The following MYLK variants were observed in gnomAD, a reference collection of about 807,000 sequenced individuals.
The protein encoded by MYLK is myosin light chain kinase, also known as myosin light chain kinase, smooth muscle.
A neutral mutation model predicts 203.4 loss-of-function variants in MYLK; 106 were observed. That is an observed-to-expected ratio of 0.52 (90% CI 0.45 to 0.61). The LOEUF is 0.61. Ranked by LOEUF, MYLK falls within the 20% of genes least tolerant of loss-of-function variation. MYLK has a pLI of 0.00. For synonymous variants in MYLK, 867 were observed against 959.5 expected (o/e 0.90, Z 1.78); for missense variants, 2,072 against 2,442.3 (o/e 0.85, Z 3.20).
chr3:123,720,300 G>T (rs1440165193), intron 13 of MYLK, among the ~76,000 whole-genome samples: 3 of 152,172 alleles, frequency 2.0e-5, no homozygotes, highest in Admixed American at 6.5e-5. Context: ...CTTTGCCTGG[G>T]ACTCCCACCT....
chr3:123,791,493 G>A (rs1270728295), intron 4 of MYLK, among the ~76,000 whole-genome samples: 1 of 152,186 alleles, frequency 6.6e-6, no homozygotes, highest in Admixed American at 6.5e-5. Context: ...AGCTTCCAGG[G>A]CATTTTCTTC....
intron 3 of MYLK, among the ~76,000 whole-genome samples, chr3:123,803,183 T>C (rs1301890687): frequency 6.6e-6 from 1 of 152,196 alleles, no homozygotes; most frequent in Non-Finnish European, 1.5e-5. Flanking sequence ...ATGCGGCTAC[T>C]GCTAATAGCC....
At chr3:123,683,428 C>A (rs569591315) in intron 19 of MYLK, among the ~76,000 whole-genome samples, 1 of 152,076 alleles carries the variant, frequency 6.6e-6, no homozygotes, top group Non-Finnish European at 1.5e-5. Context: ...GCTCCTGGGG[C>A]TCTGAGGGGT....
intron 16 of MYLK, 130 bp from the exon 17 acceptor site, chr3:123,701,639 C>A: frequency 1.2e-6 from 1 of 847,296 alleles, no homozygotes; most frequent in East Asian, 2.6e-5. Context: ...AGACATTCAC[C>A]CCAGCCTTAG....
chr3:123,702,271 T>C (rs2061269642), intron 16 of MYLK, among the ~76,000 whole-genome samples: 1 of 152,146 alleles, frequency 6.6e-6, no homozygotes, highest in South Asian at 2.1e-4. Flanking sequence ...CTGGCATTTC[T>C]GAGCTCTGAC....
chr3:123,807,302 G>A (rs189024046), intron 3 of MYLK, among the ~76,000 whole-genome samples: 109 of 152,060 alleles, frequency 7.2e-4, no homozygotes, highest in African/African-American at 2.0e-3. Flanking sequence ...GGTGGCAGGC[G>A]CCTGTAATCC....
intron 4 of MYLK, among the ~76,000 whole-genome samples, chr3:123,756,218 A>G (rs2063354063): frequency 6.6e-6 from 1 of 152,178 alleles, no homozygotes; most frequent in African/African-American, 2.4e-5. Context: ...AAAAGTATTC[A>G]TAAGCGTCTA....
chr3:123,831,315 C>T, intron 3 of MYLK: 2 of 1,218,258 alleles, frequency 1.6e-6, no homozygotes, highest in East Asian at 5.8e-5. Flanking sequence ...ATGATTTCCA[C>T]CACCTTCGCC....
intron 32 of MYLK, among the ~76,000 whole-genome samples, chr3:123,619,008 A>G (rs1306671736): frequency 6.6e-6 from 1 of 152,202 alleles, no homozygotes; most frequent in Non-Finnish European, 1.5e-5. Context: ...CCTTCCCCTT[A>G]TGCTGACATG....
chr3:123,663,473 C>G (rs2059632437), intron 23 of MYLK, among the ~76,000 whole-genome samples: 1 of 152,078 alleles, frequency 6.6e-6, no homozygotes, highest in Non-Finnish European at 1.5e-5. Context: ...AGACTCACCC[C>G]TGTCAGAGAG....
intron 3 of MYLK, among the ~76,000 whole-genome samples, chr3:123,825,852 T>C (rs2066098872): frequency 6.6e-6 from 1 of 152,202 alleles, no homozygotes; most frequent in Non-Finnish European, 1.5e-5. Context: ...ATCTGCCAGT[T>C]CTGCCTGGGG....
chr3:123,743,567 A>C (rs1456089783), intron 5 of MYLK, among the ~76,000 whole-genome samples: 1 of 152,202 alleles, frequency 6.6e-6, no homozygotes, highest in East Asian at 1.9e-4. Context: ...AAGGGGATTA[A>C]AGTAGAAATG....
rs1230895034 is a variant in MYLK, at chr3:123,631,352, C to T, written c.4962-1726G>A. Among the ~76,000 whole-genome samples the T allele has an allele frequency of 4.0e-5, 6 of 149,192 alleles. No individual in the cohort carries two copies. In the East Asian group the frequency reaches 8.0e-4, roughly 20 times the overall value. Reference sequence around the variant, plus strand: ...GGTGGAGGTTGCAGTGAGCCAATATCGCACCATTGCACTCCAACCTGGGCA... The same window carrying T: ...GGTGGAGGTTGCAGTGAGCCAATATTGCACCATTGCACTCCAACCTGGGCA... On this transcript the variant is annotated intron_variant, in intron 29 of 33. Coordinates refer to ENST00000360304, the MANE Select transcript of MYLK (RefSeq NM_053025.4).
intron 4 of MYLK, among the ~76,000 whole-genome samples, chr3:123,769,754 G>A (rs2063816648): frequency 6.6e-6 from 1 of 152,152 alleles, no homozygotes; most frequent in African/African-American, 2.4e-5. Flanking sequence ...CAAAGCTTTG[G>A]CTCACTGGTG....
intron 2 of MYLK, among the ~76,000 whole-genome samples, chr3:123,874,569 CATTAGGTTAGTAT>C: frequency 6.6e-6 from 1 of 152,182 alleles, no homozygotes; most frequent in Middle Eastern, 3.4e-3. Flanking sequence ...AATGACTCCA[CATTAGGTTAGTAT>C]TTCTTAGATA....
In MYLK at chr3:123,638,120, T is replaced by C. The variant is rs1412997500; in HGVS notation, c.4912A>G (p.Ile1638Val). Reference sequence around the variant, plus strand: ...CTCCACATGTCTGTGGCGTAGCCGATGGGCTCATAGTTGATCACTTCAGGA... The same window carrying C: ...CTCCACATGTCTGTGGCGTAGCCGACGGGCTCATAGTTGATCACTTCAGGA... Reference protein sequence around the residue: ...VAPEVINYEPIGYATDMWSIG... With the variant: ...VAPEVINYEPVGYATDMWSIG... Residue 1638 changes from isoleucine (I) to valine (V), a missense_variant, in exon 29 of 34, where the codon ATC (isoleucine) becomes GTC (valine). Around this residue, in one of 3 missense-constraint regions of MYLK, gnomAD observed 524 missense variants for 782.4 expected, o/e 0.67. Coordinates refer to ENST00000360304, the MANE Select transcript of MYLK (RefSeq NM_053025.4). 1 of 1,614,028 alleles carries C rather than the reference T, an allele frequency of 6.2e-7. No homozygotes were observed. Among genetic ancestry groups the C allele is most frequent in the Non-Finnish European group, 8.5e-7 (1 of 1,180,030 alleles).
chr3:123,714,483 G>A (rs780572069), intron 13 of MYLK, among the ~76,000 whole-genome samples: 15 of 152,124 alleles, frequency 9.9e-5, no homozygotes, highest in Non-Finnish European at 1.8e-4. Context: ...CAGTGACAAG[G>A]TTGTCTCAGA....
At chr3:123,862,733 T>C (rs1410951494) in intron 2 of MYLK, among the ~76,000 whole-genome samples, 1 of 152,182 alleles carries the variant, frequency 6.6e-6, no homozygotes, top group East Asian at 1.9e-4. Context: ...CCCCTGATGC[T>C]AAATAAAAAA....
chr3:123,668,425 G>A (rs750274854), intron 20 of MYLK, among the ~76,000 whole-genome samples: 14 of 142,682 alleles, frequency 9.8e-5, no homozygotes, highest in Non-Finnish European at 2.1e-4. Context: ...GTCACATACT[G>A]TATGATTCCA....
Sources: allele counts gnomAD v4.1 joint callset (sites outside exome capture counted in the v4.1 genomes callset), GRCh38; gene constraint gnomAD v4.1.1; regional missense constraint gnomAD v4.1.1; transcripts MANE v1.5; gene names NCBI Gene and HGNC (gene_info 2026-07-23, HGNC 2026-07-21).